The following NSRP1 variants were observed in gnomAD, a reference collection of about 807,000 sequenced individuals.
NSRP1 encodes nuclear speckle splicing regulatory protein 1, also known as coiled-coil domain containing 55.
NSRP1 carries 24 observed loss-of-function variants against 54.7 expected under a neutral mutation model. The ratio of observed to expected loss-of-function variants is 0.44; its 90% CI spans 0.32 to 0.62. The LOEUF is 0.62. Among genes scored for constraint, NSRP1 ranks in the 20% least tolerant of loss-of-function variants. The pLI, the probability that NSRP1 is intolerant of heterozygous loss-of-function variation, is 0.06. For synonymous variants in NSRP1, 210 were observed against 213.8 expected (o/e 0.98, Z 0.15); for missense variants, 596 against 651.2 (o/e 0.92, Z 0.92).
intron 4 of NSRP1, among the ~76,000 whole-genome samples, chr17:30,178,491 C>T (rs1905199124): frequency 6.6e-6 from 1 of 152,102 alleles, no homozygotes; most frequent in Admixed American, 6.5e-5. Flanking sequence ...ACTGTTCCTG[C>T]CCTGTGTATG....
chr17:30,182,499 C>T (rs180905839), intron 6 of NSRP1, among the ~76,000 whole-genome samples: 13 of 151,744 alleles, frequency 8.6e-5, no homozygotes, highest in Admixed American at 2.6e-4. Context: ...AAAATTAGCT[C>T]GGCATTGTGG....
chr17:30,120,901 A>G (rs974111751), intron 2 of NSRP1, among the ~76,000 whole-genome samples: 2 of 152,224 alleles, frequency 1.3e-5, no homozygotes, highest in African/African-American at 2.4e-5. Context: ...AATGTAGAGA[A>G]TGAAATGATT....
At chr17:30,178,915 A>C (rs982562622) in intron 4 of NSRP1, among the ~76,000 whole-genome samples, 175 bp from the exon 5 acceptor site, 18 of 152,052 alleles carry the variant, frequency 1.2e-4, no homozygotes, top group African/African-American at 4.1e-4. Context: ...GCTACACCTA[A>C]ATTTTTATGG....
At position 30,185,572 on chromosome 17, in the gene NSRP1, G is replaced by A. The variant is rs748812708; in HGVS notation, c.1575G>A (p.Lys525=). The A allele has an allele frequency of 2.4e-5, 38 of 1,614,026 alleles. No individual in the cohort carries two copies. Among genetic ancestry groups the A allele is most frequent in the Non-Finnish European group, 2.8e-5 (33 of 1,180,020 alleles). Residue 525 remains lysine, a synonymous_variant, in exon 7 of 7, where the codon AAG becomes AAA. Coordinates refer to ENST00000247026, the MANE Select transcript of NSRP1 (RefSeq NM_032141.4). The stretch of plus-strand genomic sequence containing the variant: ...CTGAGGCAGTGAGCAAGTTTGCAAA[G>A]CGGAACAATGAAGAAACTGTAATGT... ...RPPEAVSKFA[K]RNNEETVMSA...
intron 6 of NSRP1, among the ~76,000 whole-genome samples, chr17:30,181,616 T>TG (rs1410578137): frequency 3.1e-4 from 45 of 146,512 alleles, no homozygotes; most frequent in East Asian, 1.4e-3. Context: ...TTTTGTTTTT[T>TG]TTTTTTTTAG....
chr17:30,163,189 T>TGTGTG (rs1904589122), intron 2 of NSRP1: 1 of 121,560 alleles, frequency 8.2e-6, no homozygotes, highest in Admixed American at 8.5e-5. Flanking sequence ...CCGGCTAATT[T>TGTGTG]TGTGTGTGTG....
At chr17:30,133,737 G>C (rs539013937) in intron 2 of NSRP1, among the ~76,000 whole-genome samples, 1 of 152,156 alleles carries the variant, frequency 6.6e-6, no homozygotes, top group Non-Finnish European at 1.5e-5. Context: ...TCCCTGTTAG[G>C]TTTTCTGGAT....
chr17:30,155,467 TTGAATC>T (rs1332690492), intron 2 of NSRP1, among the ~76,000 whole-genome samples: 1 of 152,230 alleles, frequency 6.6e-6, no homozygotes. Context: ...AAATATTTCT[TTGAATC>T]TGTTTAGTTT....
intron 2 of NSRP1, among the ~76,000 whole-genome samples, chr17:30,171,976 C>CA (rs1567804388): frequency 1.8e-3 from 147 of 80,400 alleles, no homozygotes; most frequent in African/African-American, 4.7e-3. Context: ...ACACACACTC[C>CA]CTCTCTCTCT....
chr17:30,183,520 TTC>T (rs1265430521), intron 6 of NSRP1, among the ~76,000 whole-genome samples: 2 of 152,230 alleles, frequency 1.3e-5, no homozygotes, highest in African/African-American at 4.8e-5. Flanking sequence ...ATAGTTGTAC[TTC>T]TTAGAGTCTA....
chr17:30,185,486 G>A lies in NSRP1; in HGVS notation c.1489G>A (p.Gly497Arg), dbSNP rs1905499556. Reference sequence around the variant, plus strand: ...ACCCTCTAATTCTGAATCATCACTGGGAGCAAAACACAGACTCACAGAGGA... The same window carrying A: ...ACCCTCTAATTCTGAATCATCACTGAGAGCAAAACACAGACTCACAGAGGA... ...EKPSNSESSL[G>R]AKHRLTEEGQ... Residue 497 changes from glycine to arginine, a missense_variant, in exon 7 of 7, where the codon GGA becomes AGA. Coordinates refer to ENST00000247026, the MANE Select transcript of NSRP1 (RefSeq NM_032141.4). 2 of 1,612,766 alleles carry A rather than the reference G, an allele frequency of 1.2e-6. No individual in the cohort carries two copies. Among genetic ancestry groups the A allele is most frequent in the African/African-American group, 2.7e-5 (2 of 74,722 alleles).
chr17:30,162,158 G>A (rs1487776591), intron 2 of NSRP1, among the ~76,000 whole-genome samples: 2 of 151,826 alleles, frequency 1.3e-5, no homozygotes, highest in Admixed American at 1.3e-4. Context: ...CCAAGTAGCT[G>A]GGACTACAGG....
At chr17:30,138,909 G>A (rs1017460274) in intron 2 of NSRP1, among the ~76,000 whole-genome samples, 2 of 58,140 alleles carry the variant, frequency 3.4e-5, no homozygotes, top group African/African-American at 1.3e-4. Context: ...AAGTCTTAGC[G>A]TTTTTTTTTT....
Position 30,116,837 on chromosome 17 carries a change from G to C in NSRP1, c.-7G>C. On this transcript the variant is annotated 5_prime_UTR_variant, in exon 1 of 7. Transcript: ENST00000247026. ...CGTCGGCCACGTTCAGCGGACACGG[G>C]AGCAAGATGGCGATTCCGGGCAGGC... 1.9e-6 allele frequency: 3 copies of C among 1,574,650 alleles called. No homozygotes were observed. Among genetic ancestry groups the C allele is most frequent in the Non-Finnish European group, 2.6e-6 (3 of 1,159,598 alleles).
At chr17:30,161,862 G>A (rs989637575) in intron 2 of NSRP1, among the ~76,000 whole-genome samples, 2 of 151,854 alleles carry the variant, frequency 1.3e-5, no homozygotes, top group African/African-American at 4.8e-5. Flanking sequence ...ACCTTGCCAG[G>A]GTTGAGTAAT....
At chr17:30,154,760 C>T (rs2143004763) in intron 2 of NSRP1, 1 of 152,002 alleles carries the variant, frequency 6.6e-6, no homozygotes, top group South Asian at 2.1e-4. Flanking sequence ...ATGCTTGGGA[C>T]CAGAAGTGTT....
intron 5 of NSRP1, 80 bp from the exon 6 acceptor site, chr17:30,180,828 G>C: frequency 1.1e-6 from 1 of 903,388 alleles, no homozygotes; most frequent in South Asian, 1.3e-5. Context: ...CACACTGTAT[G>C]TTATATACTG....
At chr17:30,158,683 T>A (rs944125076) in intron 2 of NSRP1, among the ~76,000 whole-genome samples, 25 of 152,186 alleles carry the variant, frequency 1.6e-4, no homozygotes, top group Admixed American at 1.3e-4. Context: ...TCCATGTGGA[T>A]ATTTAGTTCT....
At chr17:30,182,715 G>T (rs907950840) in intron 6 of NSRP1, among the ~76,000 whole-genome samples, 3 of 151,240 alleles carry the variant, frequency 2.0e-5, no homozygotes, top group African/African-American at 7.3e-5. Context: ...CGGGCGGATT[G>T]CGAGGTCAGG....
Sources: allele counts gnomAD v4.1 joint callset (sites outside exome capture counted in the v4.1 genomes callset), GRCh38; gene constraint gnomAD v4.1.1; transcripts MANE v1.5; gene names NCBI Gene and HGNC (gene_info 2026-07-23, HGNC 2026-07-21).